Variants in SEMA6D observed in about 807,000 individuals in gnomAD.
SEMA6D encodes semaphorin-6D.
SEMA6D carries 35 observed loss-of-function variants against 106.6 expected under a neutral mutation model. That is an observed-to-expected ratio of 0.33 (90% confidence interval 0.25 to 0.44). SEMA6D has a LOEUF of 0.44. SEMA6D is among the 20% of genes least tolerant of loss of function. The probability of loss-of-function intolerance (pLI) is 1.00; values close to 1 mark genes in which losing one functional copy is unlikely to be tolerated. For missense variants in SEMA6D, 1,185 were observed against 1,345.9 expected, an observed-to-expected ratio of 0.88 and a Z score of 1.87; for synonymous variants, 499 against 487.7, an observed-to-expected ratio of 1.02 and a Z score of -0.31.
chr15:47,771,776 C>T lies in SEMA6D; in HGVS notation c.3213C>T (p.Tyr1071=). The T allele has an allele frequency of 6.2e-7, 1 of 1,612,560 alleles. No individual in the cohort carries two copies. The highest frequency in any genetic ancestry group is 8.5e-7 in the Non-Finnish European group (1 of 1,179,224). ...CATCTGTCAGACCACTGAACAAATACACATACTAGGCCTCAAGTGTGCTAT... is the reference window on the plus strand; with the variant it reads ...CATCTGTCAGACCACTGAACAAATATACATACTAGGCCTCAAGTGTGCTAT... ...QTPSVRPLNK[Y]TY The change falls in exon 19 of 19, where the codon TAC becomes TAT. Residue 1071 remains tyrosine, a synonymous_variant. Transcript: ENST00000536845.
chr15:47,501,243 T>C (rs2043839177), intron 3 of SEMA6D, among the ~76,000 whole-genome samples: 1 of 152,220 alleles, frequency 6.6e-6, no homozygotes, highest in African/African-American at 2.4e-5. Flanking sequence ...TATCACTGTC[T>C]GGAGTTATTT....
At chr15:47,662,251 G>A (rs1003337247) in intron 4 of SEMA6D, among the ~76,000 whole-genome samples, 1 of 148,950 alleles carries the variant, frequency 6.7e-6, no homozygotes, top group African/African-American at 2.5e-5. Context: ...CACACACATT[G>A]GCAGTCAGAA....
chr15:47,256,932 A>G (rs1490490432), intron 1 of SEMA6D, among the ~76,000 whole-genome samples: 1 of 152,156 alleles, frequency 6.6e-6, no homozygotes, highest in Non-Finnish European at 1.5e-5. Context: ...GTATTCCATC[A>G]TGTCATTTGC....
chr15:47,699,218 C>G lies in SEMA6D; in HGVS notation c.-54-60527C>G, dbSNP rs150220317. On this transcript the variant is annotated intron_variant, in intron 4 of 19. Transcript: ENST00000558014. ...TTCAGTGGGAACCTATATTTTACCT[C>G]AAATTAACCTTCACACAATCATAGG... Among the ~76,000 whole-genome samples the G allele has an allele frequency of 5.5e-3, 844 of 152,288 alleles. 8 individuals carry two copies. The highest frequency in any genetic ancestry group is 0.018 in the Admixed American group (276 of 15,302).
At chr15:47,605,408 G>A (rs2076757804) in intron 4 of SEMA6D, 1 of 152,170 alleles carries the variant, frequency 6.6e-6, no homozygotes, top group African/African-American at 2.4e-5. Context: ...AAATCTAAGA[G>A]GCTTTTACTC....
At chr15:47,521,781 T>C (rs943980811) in intron 3 of SEMA6D, among the ~76,000 whole-genome samples, 21 of 152,164 alleles carry the variant, frequency 1.4e-4, no homozygotes, top group East Asian at 3.9e-4. Flanking sequence ...GTCAGGAGAT[T>C]GAGACCATCC....
At chr15:47,263,552 T>C (rs909638471) in intron 1 of SEMA6D, among the ~76,000 whole-genome samples, 1 of 152,028 alleles carries the variant, frequency 6.6e-6, no homozygotes, top group African/African-American at 2.4e-5. Context: ...AAATAATAGA[T>C]TCTGGCAAGG....
intron 3 of SEMA6D, among the ~76,000 whole-genome samples, chr15:47,561,236 C>T (rs2046072160): frequency 6.6e-6 from 1 of 151,804 alleles, no homozygotes; most frequent in Admixed American, 6.6e-5. Flanking sequence ...ATCTTGAAAG[C>T]AGCAAAAGAA....
rs139564965 is a variant in SEMA6D, at chr15:47,590,422, C to G, written c.-86-10443C>G. Among the ~76,000 whole-genome samples, 581 of 152,140 alleles carry G rather than the reference C, an allele frequency of 3.8e-3. 2 individuals carry two copies. Among genetic ancestry groups the G allele is most frequent in the African/African-American group, 0.012 (511 of 41,494 alleles). On this transcript the variant is annotated intron_variant, in intron 3 of 19. Coordinates refer to the SEMA6D transcript ENST00000558014. ...GGAAGGATAGCATTAGGAGAAATAT[C>G]TAACGTAAATGATGAGTTGATGAGT...
intron 2 of SEMA6D, among the ~76,000 whole-genome samples, chr15:47,428,093 A>G (rs2041402925): frequency 6.6e-6 from 1 of 152,132 alleles, no homozygotes; most frequent in Non-Finnish European, 1.5e-5. Context: ...AATGTAAAAA[A>G]AGAGAGAAGA....
Position 47,319,030 on chromosome 15 carries a change from T to C in SEMA6D, c.-238-93363T>C, listed in dbSNP as rs183183201. 5.5e-4 allele frequency among the ~76,000 whole-genome samples: 84 copies of C among 152,316 alleles called. 1 individual carries two copies. The highest frequency in any genetic ancestry group is 2.1e-3 in the East Asian group (11 of 5,180). ...ATACAGTTTTCTTTTCTTTTCTTTT[T>C]TTTCAGTTTTATTTCTCTTTGCTTT... On this transcript the variant is annotated intron_variant, in intron 1 of 19. Coordinates refer to the SEMA6D transcript ENST00000558014.
chr15:47,660,444 T>TA (rs1469940173), intron 4 of SEMA6D, among the ~76,000 whole-genome samples: 1 of 152,094 alleles, frequency 6.6e-6, no homozygotes, highest in Non-Finnish European at 1.5e-5. Flanking sequence ...TATCTAAGGT[T>TA]AAAAAATAAG....
intron 3 of SEMA6D, among the ~76,000 whole-genome samples, chr15:47,507,654 T>G (rs547727408): frequency 9.2e-5 from 14 of 152,328 alleles, no homozygotes; most frequent in African/African-American, 3.4e-4. Context: ...GCCAAGGCTG[T>G]TATATTTAAG....
rs1458604017 is a variant in SEMA6D, at chr15:47,413,059, C to CGGAT, written c.-159+590_-159+593dup. Among the ~76,000 whole-genome samples, 8 of 152,218 alleles carry CGGAT rather than the reference C, an allele frequency of 5.3e-5. No homozygotes were observed. In the East Asian group the frequency reaches 1.5e-3, roughly 29 times the overall value. ...AGTGATAATGGTGACTGTTGACAGA[C>CGGAT]GGATGGCAAATTGTGTTACTGGAAG... is the stretch of plus-strand genomic sequence containing the variant. On this transcript the variant is annotated intron_variant, in intron 2 of 19. Transcript: ENST00000558014.
chr15:47,654,825 G>A (rs767774128), intron 4 of SEMA6D, among the ~76,000 whole-genome samples: 1 of 152,216 alleles, frequency 6.6e-6, no homozygotes, highest in Non-Finnish European at 1.5e-5. Context: ...AGCTGAGCAG[G>A]TGTTGGCACC....
intron 1 of SEMA6D, among the ~76,000 whole-genome samples, chr15:47,407,411 AAAAAAAC>A (rs2040627146): frequency 6.7e-6 from 1 of 149,856 alleles, no homozygotes. Context: ...AACAACAACA[AAAAAAAC>A]AAAAAAAACA....
At chr15:47,694,011 A>G (rs1028827974) in intron 4 of SEMA6D, among the ~76,000 whole-genome samples, 2 of 152,162 alleles carry the variant, frequency 1.3e-5, no homozygotes, top group African/African-American at 4.8e-5. Context: ...AAGAGATTCT[A>G]ATGTGCAGAT....
intron 1 of SEMA6D, among the ~76,000 whole-genome samples, chr15:47,205,711 A>G (rs1895012952): frequency 6.6e-6 from 1 of 152,186 alleles, no homozygotes; most frequent in African/African-American, 2.4e-5. Flanking sequence ...TTATGAAAAC[A>G]TTCGAATAGA....
In SEMA6D at chr15:47,593,277, C is replaced by T. The variant is rs540817380; in HGVS notation, c.-86-7588C>T. 5.3e-5 allele frequency among the ~76,000 whole-genome samples: 8 copies of T among 151,916 alleles called. No individual in the cohort carries two copies. In the East Asian group the frequency reaches 9.7e-4, roughly 18 times the overall value. On this transcript the variant is annotated intron_variant, in intron 3 of 19. Transcript: ENST00000558014. ...AAAATCAGCCAGCTGTGGTGGCTGG[C>T]GCCTGTAGTCCCAGCTGTTCAGGAG...
Sources: gnomAD v4.1 joint callset for allele counts (sites outside exome capture counted in the v4.1 genomes callset) on GRCh38, gnomAD v4.1.1 for gene constraint, MANE v1.5 for transcripts, NCBI Gene and HGNC (gene_info 2026-07-23, HGNC 2026-07-21) for gene names.